Variants in PPP4C observed in about 807,000 individuals in gnomAD.
The protein encoded by PPP4C is serine/threonine-protein phosphatase 4 catalytic subunit.
Under a neutral mutation model 40.5 loss-of-function variants are expected in PPP4C, and 10 were observed. The observed-to-expected ratio is 0.25, with a 90% CI of 0.15 to 0.42. The LOEUF (loss-of-function observed/expected upper bound fraction) is 0.42, where lower values mean the gene tolerates loss of function less well. PPP4C is among the 10% of genes least tolerant of loss of function. The pLI, the probability that PPP4C is intolerant of heterozygous loss-of-function variation, is 1.00. For missense variants in PPP4C, 191 were observed against 416.4 expected (o/e 0.46, Z 4.71); for synonymous variants, 187 against 163.6 (o/e 1.14, Z -1.09).
chr16:30,076,271 C>T (rs2072391375), intron 1 of PPP4C, 44 bp from the exon 2 acceptor site: 1 of 1,149,806 alleles, frequency 8.7e-7, no homozygotes, highest in Non-Finnish European at 1.2e-6. Context: ...CGCTCCGAGC[C>T]CCGGACGGAC....
chr16:30,076,537 C>CA, intron 2 of PPP4C, 62 bp downstream of exon 2: 2 of 1,493,908 alleles, frequency 1.3e-6, no homozygotes, highest in Admixed American at 3.9e-5. Context: ...TGGCCTGGGG[C>CA]AAACCCAACT....
Position 30,082,366 on chromosome 16 carries a change from C to G in PPP4C, c.151-118C>G, listed in dbSNP as rs1210082585. On this transcript the variant is annotated intron_variant, in intron 3 of 8. Transcript: ENST00000279387. Reference sequence around the variant, plus strand: ...GGGGTGGGAGAGGAGAATTTTGGTCCTAGGAAGTAGAAGTGCAGCCAAGAG... The same window carrying G: ...GGGGTGGGAGAGGAGAATTTTGGTCGTAGGAAGTAGAAGTGCAGCCAAGAG... The G allele has an allele frequency of 5.4e-6, 6 of 1,119,632 alleles. No homozygotes were observed. In the African/African-American group the frequency reaches 9.3e-5, roughly 17 times the overall value. The allele number at this position is 1,119,632 out of a possible 1,614,324, so 69.4% of individuals were successfully genotyped here. A position where few individuals can be genotyped will look rare whatever the true frequency, so the allele number is the denominator to read the frequency against.
Position 30,085,124 on chromosome 16 carries a change from C to T in PPP4C, c.*62C>T. 6.3e-7 allele frequency: 1 copy of T among 1,575,746 alleles called. No individual in the cohort carries two copies. The highest frequency in any genetic ancestry group is 8.6e-7 in the Non-Finnish European group (1 of 1,156,882). On this transcript the variant is annotated 3_prime_UTR_variant, in exon 9 of 9. Transcript: ENST00000279387. ...CCTCGCACCACTGTGACTCTGCCAT[C>T]TTCCTCAGACGGAGGCTGGGCGTGG...
At chr16:30,084,546 C>T in intron 7 of PPP4C, 120 bp from the exon 8 acceptor site, 1 of 868,692 alleles carries the variant, frequency 1.2e-6, no homozygotes, top group Non-Finnish European at 1.9e-6. Context: ...GCCCCATGCT[C>T]TGGTCCCACG....
chr16:30,084,009 G>A (rs949580888), intron 7 of PPP4C, among the ~76,000 whole-genome samples: 5 of 152,210 alleles, frequency 3.3e-5, no homozygotes, highest in Non-Finnish European at 7.3e-5. Context: ...AAGTGAAGGG[G>A]CCTTAGAACA....
At chr16:30,080,465 T>A (rs1479811531) in intron 2 of PPP4C, among the ~76,000 whole-genome samples, 1 of 149,826 alleles carries the variant, frequency 6.7e-6, no homozygotes, top group African/African-American at 2.5e-5. Flanking sequence ...TAAGTCCTCA[T>A]AGTCATAAAG....
In PPP4C at chr16:30,083,796, G is replaced by T; in HGVS notation, c.604+15G>T. 3 of 1,613,074 alleles carry T rather than the reference G, an allele frequency of 1.9e-6. No individual in the cohort carries two copies. The highest frequency in any genetic ancestry group is 2.5e-6 in the Non-Finnish European group (3 of 1,179,774). On this transcript the variant is annotated intron_variant, in intron 7 of 8. Transcript: ENST00000279387. This position sits in a 1 kb window ranked among gnomAD's most constrained non-coding sequence, Gnocchi z 6.3. Reference sequence around the variant, plus strand: ...TGACCCAGAAGGTGAGGGCATGTGGGCAGGGGCAGGCAGGGACAGCCAGGA... The same window carrying T: ...TGACCCAGAAGGTGAGGGCATGTGGTCAGGGGCAGGCAGGGACAGCCAGGA...
intron 2 of PPP4C, among the ~76,000 whole-genome samples, chr16:30,080,418 G>C (rs2072481763): frequency 6.7e-6 from 1 of 149,024 alleles, no homozygotes; most frequent in Admixed American, 6.8e-5. Flanking sequence ...CACTCAAGTA[G>C]AAGTAGACTG....
chr16:30,082,870 C>T (rs1193197834), intron 5 of PPP4C, 23 bp downstream of exon 5: 3 of 1,604,844 alleles, frequency 1.9e-6, no homozygotes, highest in Non-Finnish European at 1.7e-6. Flanking sequence ...GGCTTCTGCA[C>T]CCCCAACCTG....
chr16:30,082,734 A>C lies in PPP4C; in HGVS notation c.202-12A>C, dbSNP rs746542148. 2 of 1,611,120 alleles carry C rather than the reference A, an allele frequency of 1.2e-6. No individual in the cohort carries two copies. The highest frequency in any genetic ancestry group is 1.3e-5 in the African/African-American group (1 of 74,934). On this transcript the variant is annotated splice_polypyrimidine_tract_variant and intron_variant, in intron 4 of 8. Transcript: ENST00000279387. ...TGTTTACGACAGGGCAAAACTTTCT[A>C]CTTCCCCACAGGTAGGTGGCGACGT...
Position 30,082,519 on chromosome 16 carries a change from C to T in PPP4C, c.186C>T (p.Leu62=), listed in dbSNP as rs372160620. The T allele has an allele frequency of 6.2e-7, 1 of 1,613,628 alleles. No homozygotes were observed. Among genetic ancestry groups the T allele is most frequent in the African/African-American group, 1.3e-5 (1 of 74,894 alleles). ...ACATCCATGGACAATTCTATGACCT[C>T]AAAGAGCTGTTCAGAGTAAGAGTGT... ...CGDIHGQFYD[L]KELFRVGGDV... is the part of the protein sequence containing the mutation. Residue 62 remains leucine (L), a synonymous_variant, in exon 4 of 9, where the codon CTC becomes CTT. Coordinates refer to ENST00000279387, the MANE Select transcript of PPP4C (RefSeq NM_002720.3).
intron 2 of PPP4C, among the ~76,000 whole-genome samples, chr16:30,077,787 C>A (rs1471856347): frequency 6.6e-6 from 1 of 152,222 alleles, no homozygotes; most frequent in African/African-American, 2.4e-5. Flanking sequence ...GAATAGGAAG[C>A]CATGACTCGT....
At chr16:30,082,304 A>G (rs1044459309) in intron 3 of PPP4C, among the ~76,000 whole-genome samples, 180 bp from the exon 4 acceptor site, 2 of 152,182 alleles carry the variant, frequency 1.3e-5, no homozygotes, top group African/African-American at 4.8e-5. Flanking sequence ...GGTACTCAGC[A>G]TAGGACAGTG....
At position 30,083,929 on chromosome 16, in the gene PPP4C, G is replaced by T. The variant is rs1447468838; in HGVS notation, c.604+148G>T. The T allele has an allele frequency of 1.6e-6, 2 of 1,224,862 alleles. No homozygotes were observed. Among genetic ancestry groups the T allele is most frequent in the African/African-American group, 3.0e-5 (2 of 66,932 alleles). 75.9% of individuals were successfully genotyped at this position (1,224,862 alleles called of 1,614,324 possible). The stretch of plus-strand genomic sequence containing the variant: ...GAGCAGGGAGGCCTGCATGGCAGGT[G>T]CTTTGAGCACACAGTGGCTTGGGGC... On this transcript the variant is annotated intron_variant, in intron 7 of 8. Coordinates refer to ENST00000279387, the MANE Select transcript of PPP4C (RefSeq NM_002720.3). This position sits in a 1 kb window ranked among gnomAD's most constrained non-coding sequence, Gnocchi z 6.3.
At position 30,085,109 on chromosome 16, in the gene PPP4C, C is replaced by T. The variant is rs757151509; in HGVS notation, c.*47C>T. The T allele has an allele frequency of 3.8e-6, 6 of 1,597,432 alleles. No individual in the cohort carries two copies. The Admixed American group carries it at 6.7e-5, about 18-fold the overall frequency. Reference sequence around the variant, plus strand: ...TCCAACCCTTCTGGCCCTCGCACCACTGTGACTCTGCCATCTTCCTCAGAC... The same window carrying T: ...TCCAACCCTTCTGGCCCTCGCACCATTGTGACTCTGCCATCTTCCTCAGAC... On this transcript the variant is annotated 3_prime_UTR_variant, in exon 9 of 9. Transcript: ENST00000279387.
At chr16:30,078,276 G>T (rs2072440934) in intron 2 of PPP4C, among the ~76,000 whole-genome samples, 1 of 152,212 alleles carries the variant, frequency 6.6e-6, no homozygotes, top group Non-Finnish European at 1.5e-5. Flanking sequence ...TTTCATAGCA[G>T]AGGAAACTGA....
intron 1 of PPP4C, 49 bp from the exon 2 acceptor site, chr16:30,076,266 C>T (rs1312277994): frequency 8.2e-6 from 9 of 1,102,702 alleles, no homozygotes; most frequent in Non-Finnish European, 1.2e-5. Context: ...TTGTCCGCTC[C>T]GAGCCCCGGA....
At position 30,083,452 on chromosome 16, in the gene PPP4C, C is replaced by T; in HGVS notation, c.362C>T (p.Thr121Met). 6.2e-7 allele frequency: 1 copy of T among 1,614,170 alleles called. No homozygotes were observed. Among genetic ancestry groups the T allele is most frequent in the Non-Finnish European group, 8.5e-7 (1 of 1,180,042 alleles). The change falls in exon 6 of 9, where the codon ACG (threonine) becomes ATG (methionine). Residue 121 changes from threonine to methionine, a missense_variant. Coordinates refer to ENST00000279387, the MANE Select transcript of PPP4C (RefSeq NM_002720.3). This position sits in a 1 kb window ranked among gnomAD's most constrained non-coding sequence, Gnocchi z 6.3. ...GGCAACCATGAGAGTCGCCAGATCA[C>T]GCAGGTCTATGGCTTCTACGATGAG... ...IRGNHESRQI[T>M]QVYGFYDECL...
At chr16:30,079,190 CTTT>C (rs60305885) in intron 2 of PPP4C, among the ~76,000 whole-genome samples, 3 of 140,624 alleles carry the variant, frequency 2.1e-5, no homozygotes, top group African/African-American at 2.6e-5. Flanking sequence ...TTCTTTTTTT[CTTT>C]TTTTTTTTTT....
Sources: allele counts gnomAD v4.1 joint callset (sites outside exome capture counted in the v4.1 genomes callset), GRCh38; gene constraint gnomAD v4.1.1; non-coding constraint Gnocchi (gnomAD v3.1); transcripts MANE v1.5; gene names NCBI Gene and HGNC (gene_info 2026-07-23, HGNC 2026-07-21).